The following TAFA1 variants were observed in gnomAD, a reference collection of about 807,000 sequenced individuals.
TAFA1 encodes the protein TAFA chemokine like family member 1.
A neutral mutation model predicts 18.5 loss-of-function variants in TAFA1; 4 were observed. That is an observed-to-expected ratio of 0.22 (90% CI 0.11 to 0.49). TAFA1 has a LOEUF of 0.49. Ranked by LOEUF, TAFA1 falls within the 20% of genes least tolerant of loss-of-function variation. The pLI is 0.98. For synonymous variants in TAFA1, 56 were observed against 55.2 expected (o/e 1.01, Z -0.06); for missense variants, 147 against 169.0 (o/e 0.87, Z 0.72).
chr3:68,473,779 G>A (rs576796870), intron 3 of TAFA1, among the ~76,000 whole-genome samples: 30 of 152,170 alleles, frequency 2.0e-4, no homozygotes, highest in Non-Finnish European at 3.8e-4. Context: ...CTCCAGAAAG[G>A]CCTTTCCTAT....
chr3:68,238,839 A>G (rs1406291143), intron 2 of TAFA1, among the ~76,000 whole-genome samples: 3 of 152,230 alleles, frequency 2.0e-5, no homozygotes, highest in Non-Finnish European at 4.4e-5. Context: ...ATGTCACCTT[A>G]TTAATGAGTA....
chr3:68,120,853 A>G (rs2065390547), intron 2 of TAFA1, among the ~76,000 whole-genome samples: 1 of 152,218 alleles, frequency 6.6e-6, no homozygotes. Flanking sequence ...CTGAAATACT[A>G]AAGGCATTAA....
chr3:68,148,023 T>C lies in TAFA1; in HGVS notation c.118+141279T>C, dbSNP rs1490840519. Among the ~76,000 whole-genome samples, 8 of 152,252 alleles carry C rather than the reference T, an allele frequency of 5.3e-5. No homozygotes were observed. In the East Asian group the frequency reaches 1.5e-3, roughly 29 times the overall value. The stretch of plus-strand genomic sequence containing the variant: ...ACAGAAATTTGAGAAAAAGCAGGAC[T>C]CTGCTTCTGCCAATGTTCTTGTCTT... On this transcript the variant is annotated intron_variant, in intron 2 of 4. Coordinates refer to ENST00000478136, the MANE Select transcript of TAFA1 (RefSeq NM_213609.4).
At chr3:68,188,184 A>T (rs2066292879) in intron 2 of TAFA1, among the ~76,000 whole-genome samples, 1 of 151,926 alleles carries the variant, frequency 6.6e-6, no homozygotes, top group African/African-American at 2.4e-5. Flanking sequence ...TTAAATTTCT[A>T]AGTGCTATTT....
intron 3 of TAFA1, among the ~76,000 whole-genome samples, chr3:68,496,055 A>G (rs1478367206): frequency 1.3e-5 from 2 of 151,276 alleles, no homozygotes; most frequent in African/African-American, 4.9e-5. Flanking sequence ...CTCAAATCAA[A>G]TATCACTGTG....
chr3:68,534,675 G>A (rs779435314), intron 3 of TAFA1, among the ~76,000 whole-genome samples: 12 of 152,102 alleles, frequency 7.9e-5, no homozygotes, highest in Non-Finnish European at 1.8e-4. Flanking sequence ...TTCCCCCTAT[G>A]AACCAGTGGA....
chr3:68,056,909 T>A (rs900600532), intron 2 of TAFA1, among the ~76,000 whole-genome samples: 9 of 152,152 alleles, frequency 5.9e-5, no homozygotes, highest in African/African-American at 2.2e-4. Context: ...AATTAGCATT[T>A]GTTACTGCTC....
At chr3:68,506,626 T>C (rs2072762126) in intron 3 of TAFA1, among the ~76,000 whole-genome samples, 1 of 152,140 alleles carries the variant, frequency 6.6e-6, no homozygotes, top group Non-Finnish European at 1.5e-5. Context: ...TTGGTCAAAA[T>C]ATTAGTCATT....
chr3:68,272,354 C>T (rs1294596739), intron 2 of TAFA1, among the ~76,000 whole-genome samples: 1 of 152,198 alleles, frequency 6.6e-6, no homozygotes, highest in East Asian at 1.9e-4. Flanking sequence ...CAAACCCAAG[C>T]TTCCTTGTTT....
rs1403056697 is a variant in TAFA1 at position 68,369,714 on chromosome 3, A to G, written c.119-47566A>G. On this transcript the variant is annotated intron_variant, in intron 2 of 4. Transcript: ENST00000478136. ...CTCTCACATTGTTTTCAATTTCAAT[A>G]TAAATTGATGCTGCCTCTTGTGTTG... Among the ~76,000 whole-genome samples the G allele has an allele frequency of 1.3e-5, 2 of 152,216 alleles. 1 individual carries two copies. The highest frequency in any genetic ancestry group is 1.3e-4 in the Admixed American group (2 of 15,276).
intron 2 of TAFA1, among the ~76,000 whole-genome samples, chr3:68,061,141 C>T (rs545179431): frequency 1.3e-5 from 2 of 152,240 alleles, no homozygotes; most frequent in South Asian, 2.1e-4. Context: ...GAAACTTCCC[C>T]GTGGAAAGCT....
At chr3:68,409,052 G>T (rs1174294009) in intron 2 of TAFA1, among the ~76,000 whole-genome samples, 9 of 152,132 alleles carry the variant, frequency 5.9e-5, no homozygotes, top group Admixed American at 5.9e-4. Context: ...AATTATGTAG[G>T]AGATGTAGGC....
intron 3 of TAFA1, among the ~76,000 whole-genome samples, chr3:68,428,737 A>G (rs1472299953): frequency 6.6e-6 from 1 of 151,940 alleles, no homozygotes; most frequent in African/African-American, 2.4e-5. Context: ...TTGGACTATC[A>G]ATTTATATTA....
At chr3:68,006,550 C>T in intron 1 of TAFA1, 74 bp from the exon 2 acceptor site, 1 of 917,586 alleles carries the variant, frequency 1.1e-6, no homozygotes, top group Admixed American at 1.7e-5. Flanking sequence ...GACCTCCCTT[C>T]CCTCATCAGT....
At chr3:68,538,950 C>A (rs1055536732) in intron 4 of TAFA1, 70 bp downstream of exon 4, 40 of 1,513,188 alleles carry the variant, frequency 2.6e-5, no homozygotes, top group Middle Eastern at 1.7e-4. Flanking sequence ...GCTGTGCAAA[C>A]AGCATCCACA....
At chr3:68,401,588 A>C (rs2070492775) in intron 2 of TAFA1, among the ~76,000 whole-genome samples, 1 of 152,204 alleles carries the variant, frequency 6.6e-6, no homozygotes, top group Non-Finnish European at 1.5e-5. Flanking sequence ...AGATAGTGGC[A>C]ATCTCCAGAC....
chr3:68,206,161 C>T (rs946523357), intron 2 of TAFA1, among the ~76,000 whole-genome samples: 20 of 151,800 alleles, frequency 1.3e-4, no homozygotes, highest in African/African-American at 4.6e-4. Flanking sequence ...AGGTTTTAAA[C>T]TATGTCAATA....
chr3:68,342,149 A>G (rs780759777), intron 2 of TAFA1, among the ~76,000 whole-genome samples: 11 of 152,180 alleles, frequency 7.2e-5, no homozygotes, highest in South Asian at 4.1e-4. Context: ...TCTGGCAAAA[A>G]TAAGATAAAG....
chr3:68,529,823 C>T (rs2073165922), intron 3 of TAFA1, among the ~76,000 whole-genome samples: 1 of 152,120 alleles, frequency 6.6e-6, no homozygotes, highest in African/African-American at 2.4e-5. Context: ...ATGAGAGATC[C>T]ACCCGATAAC....
Sources: allele counts gnomAD v4.1 joint callset (sites outside exome capture counted in the v4.1 genomes callset), GRCh38; gene constraint gnomAD v4.1.1; transcripts MANE v1.5; gene names NCBI Gene and HGNC (gene_info 2026-07-23, HGNC 2026-07-21).